The following SGMS1 variants were observed in gnomAD, a reference collection of about 807,000 sequenced individuals.
SGMS1 encodes phosphatidylcholine:ceramide cholinephosphotransferase 1.
Under a neutral mutation model 46.2 loss-of-function variants are expected in SGMS1, and 13 were observed. That is an observed-to-expected ratio of 0.28 (90% CI 0.18 to 0.45). The LOEUF (loss-of-function observed/expected upper bound fraction) is 0.45, where lower values mean the gene tolerates loss of function less well. Ranked by LOEUF, SGMS1 falls within the 20% of genes least tolerant of loss-of-function variation. The pLI is 1.00. For synonymous variants in SGMS1, 203 were observed against 187.8 expected (o/e 1.08, Z -0.66); for missense variants, 324 against 519.9 (o/e 0.62, Z 3.66).
chr10:50,514,371 T>C (rs1444375069), intron 3 of SGMS1, among the ~76,000 whole-genome samples: 2 of 152,314 alleles, frequency 1.3e-5, no homozygotes, highest in Middle Eastern at 6.8e-3. Flanking sequence ...TTTTAACTGA[T>C]ACCCAGAAAA....
At chr10:50,332,712 T>C (rs1284604286) in intron 7 of SGMS1, among the ~76,000 whole-genome samples, 2 of 137,856 alleles carry the variant, frequency 1.5e-5, no homozygotes, top group East Asian at 5.0e-4. Context: ...AGTCTCCATC[T>C]CCCGGGCTCA....
At chr10:50,522,626 A>G (rs2133791082) in intron 2 of SGMS1, among the ~76,000 whole-genome samples, 2 of 152,160 alleles carry the variant, frequency 1.3e-5, no homozygotes, top group Middle Eastern at 3.4e-3. Context: ...GCCAAGCTTC[A>G]TTTTACACTT....
At chr10:50,432,305 C>G (rs1849412970) in intron 6 of SGMS1, among the ~76,000 whole-genome samples, 1 of 152,094 alleles carries the variant, frequency 6.6e-6, no homozygotes, top group African/African-American at 2.4e-5. Context: ...GTAATAAATA[C>G]TCAAATCTCA....
At chr10:50,475,320 T>C (rs1837411304) in intron 3 of SGMS1, among the ~76,000 whole-genome samples, 1 of 152,238 alleles carries the variant, frequency 6.6e-6, no homozygotes, top group Non-Finnish European at 1.5e-5. Context: ...GGTTTCAGTT[T>C]CTCAAATTTG....
chr10:50,402,150 A>G (rs1848949182), intron 6 of SGMS1, among the ~76,000 whole-genome samples: 1 of 152,208 alleles, frequency 6.6e-6, no homozygotes, highest in Non-Finnish European at 1.5e-5. Flanking sequence ...TCATCCATCA[A>G]TTACTGCATC....
At chr10:50,523,032 CG>C (rs1265576942) in intron 2 of SGMS1, among the ~76,000 whole-genome samples, 1 of 152,102 alleles carries the variant, frequency 6.6e-6, no homozygotes, top group Admixed American at 6.6e-5. Context: ...TATATCACAG[CG>C]GGGAAAGTGT....
intron 2 of SGMS1, among the ~76,000 whole-genome samples, chr10:50,547,579 A>G (rs1008353645): frequency 6.6e-6 from 1 of 152,208 alleles, no homozygotes; most frequent in Non-Finnish European, 1.5e-5. Flanking sequence ...AAAGCCCAGT[A>G]CCATATAGAT....
At chr10:50,549,467 C>A (rs1029856771) in intron 2 of SGMS1, among the ~76,000 whole-genome samples, 11 of 152,082 alleles carry the variant, frequency 7.2e-5, no homozygotes, top group African/African-American at 2.7e-4. Flanking sequence ...CACATGTTCT[C>A]ACTTATAAGT....
intron 3 of SGMS1, among the ~76,000 whole-genome samples, chr10:50,469,816 G>A (rs76930035): frequency 0.027 from 4,178 of 152,238 alleles, 92 homozygotes; most frequent in South Asian, 0.048. Context: ...GGTTCAGAGG[G>A]TAAAAAGGAA....
At chr10:50,520,323 GA>G (rs1837846328) in intron 2 of SGMS1, among the ~76,000 whole-genome samples, 1 of 152,110 alleles carries the variant, frequency 6.6e-6, no homozygotes, top group Non-Finnish European at 1.5e-5. Context: ...ATGGGAGGTG[GA>G]GGCTGCAGTG....
At chr10:50,625,122 C>A (rs138925951), upstream of SGMS1, 37 of 947,860 alleles carry the variant, frequency 3.9e-5, no homozygotes, top group East Asian at 4.1e-3. Context: ...CGACCCCTGG[C>A]TTGCCCAGAG....
At chr10:50,547,741 A>T (rs1838113585) in intron 2 of SGMS1, among the ~76,000 whole-genome samples, 1 of 152,206 alleles carries the variant, frequency 6.6e-6, no homozygotes, top group African/African-American at 2.4e-5. Flanking sequence ...TACAACAAAA[A>T]AAGAAACCTT....
chr10:50,378,092 A>AT (rs1848546024), intron 6 of SGMS1, among the ~76,000 whole-genome samples: 1 of 152,128 alleles, frequency 6.6e-6, no homozygotes, highest in African/African-American at 2.4e-5. Flanking sequence ...TCTACCTTGG[A>AT]TTTTTTAGGA....
intron 9 of SGMS1, among the ~76,000 whole-genome samples, chr10:50,310,013 G>A (rs1015331286): frequency 3.3e-5 from 5 of 152,120 alleles, no homozygotes; most frequent in African/African-American, 1.2e-4. Flanking sequence ...CTGCAAGAGT[G>A]ATTTTTCTCT....
intron 5 of SGMS1, among the ~76,000 whole-genome samples, chr10:50,437,744 G>T (rs1252791710): frequency 6.6e-6 from 1 of 152,202 alleles, no homozygotes; most frequent in Non-Finnish European, 1.5e-5. Context: ...ATGGTATAGT[G>T]AAAGTGACCT....
intron 6 of SGMS1, among the ~76,000 whole-genome samples, chr10:50,352,686 C>T (rs1229476202): frequency 6.6e-6 from 1 of 152,154 alleles, no homozygotes; most frequent in Non-Finnish European, 1.5e-5. Flanking sequence ...TTTTAGGGCT[C>T]TCCCACTGAA....
intron 3 of SGMS1, among the ~76,000 whole-genome samples, chr10:50,480,194 A>T (rs1837463497): frequency 6.6e-6 from 1 of 152,058 alleles, no homozygotes; most frequent in African/African-American, 2.4e-5. Context: ...CCTCACCCAC[A>T]CCCACACTGG....
In SGMS1 at chr10:50,549,995, A is replaced by T. The variant is rs1327215669; in HGVS notation, c.-588-30074T>A. Among the ~76,000 whole-genome samples the T allele has an allele frequency of 2.6e-5, 4 of 152,218 alleles. No homozygotes were observed. In the East Asian group the frequency reaches 7.7e-4, roughly 29 times the overall value. ...TAAAAAAGATAAAGCAGAAAGTTCA[A>T]CGGGAAATAATTTTGAAATTGACTG... On this transcript the variant is annotated intron_variant, in intron 2 of 10. Coordinates refer to ENST00000361781, the MANE Select transcript of SGMS1 (RefSeq NM_147156.4).
chr10:50,578,994 A>G (rs953567433), intron 2 of SGMS1, among the ~76,000 whole-genome samples: 4 of 152,218 alleles, frequency 2.6e-5, no homozygotes, highest in African/African-American at 9.6e-5. Flanking sequence ...ATCTAACATG[A>G]AAGACAGAAA....
Sources: gnomAD v4.1 joint callset for allele counts (sites outside exome capture counted in the v4.1 genomes callset) on GRCh38, gnomAD v4.1.1 for gene constraint, MANE v1.5 for transcripts, NCBI Gene and HGNC (gene_info 2026-07-23, HGNC 2026-07-21) for gene names.